The following LINGO2 variants were observed in gnomAD, a reference collection of about 807,000 sequenced individuals.
The protein encoded by LINGO2 is leucine rich repeat and Ig domain containing 2, also known as leucine-rich repeat and immunoglobulin-like domain-containing nogo receptor-interacting protein 2.
Under a neutral mutation model 30.6 loss-of-function variants are expected in LINGO2, and 14 were observed. That is an observed-to-expected ratio of 0.46 (90% CI 0.30 to 0.72). The LOEUF (loss-of-function observed/expected upper bound fraction) is 0.72. Ranked by LOEUF, LINGO2 falls within the 30% of genes least tolerant of loss-of-function variation. The pLI is 0.07. For missense variants in LINGO2, 729 were observed against 751.7 expected, an observed-to-expected ratio of 0.97 and a Z score of 0.35; for synonymous variants, 317 against 288.5, an observed-to-expected ratio of 1.10 and a Z score of -1.00.
the LINGO2 span, among the ~76,000 whole-genome samples, chr9:29,087,184 T>C: frequency 6.6e-6 from 1 of 152,080 alleles, no homozygotes; most frequent in South Asian, 2.1e-4. Context: ...GCCCAAGAAG[T>C]AATCTTTTTA....
At chr9:28,531,923 TG>T (rs1164975473) in intron 1 of LINGO2, among the ~76,000 whole-genome samples, 2 of 152,318 alleles carry the variant, frequency 1.3e-5, no homozygotes, top group East Asian at 3.9e-4. Context: ...GGCTAACAGC[TG>T]AACAAATAAA....
chr9:28,742,607 A>G, the LINGO2 span, among the ~76,000 whole-genome samples: 1 of 151,646 alleles, frequency 6.6e-6, no homozygotes, highest in Admixed American at 6.6e-5. Flanking sequence ...TACTAAATCT[A>G]TATCTGTTAA....
chr9:28,109,211 A>T (rs773565358), intron 4 of LINGO2, among the ~76,000 whole-genome samples: 2 of 152,222 alleles, frequency 1.3e-5, no homozygotes, highest in Non-Finnish European at 2.9e-5. Context: ...CATGTTAAAA[A>T]CACTCAATAA....
rs549054962 is a variant in LINGO2 at position 28,373,793 on chromosome 9, G to A, written c.-278-925C>T. On this transcript the variant is annotated intron_variant, in intron 2 of 5. Coordinates refer to ENST00000379992, the Ensembl canonical transcript of LINGO2. ...CGTGCGCCTGTAGTCCCAGCTACTC[G>A]GGAGGCTGAGGCAGGAGAATTGCTT... Among the ~76,000 whole-genome samples the A allele has an allele frequency of 3.3e-5, 5 of 151,794 alleles. No individual in the cohort carries two copies. In the East Asian group the frequency reaches 5.8e-4, roughly 18 times the overall value.
At chr9:28,280,662 A>G (rs946433546) in intron 4 of LINGO2, among the ~76,000 whole-genome samples, 27 of 152,084 alleles carry the variant, frequency 1.8e-4, no homozygotes, top group African/African-American at 6.0e-4. Context: ...TATACTCTGA[A>G]TGGTTGGTTA....
intron 2 of LINGO2, among the ~76,000 whole-genome samples, chr9:28,451,777 C>A (rs1824656458): frequency 1.3e-5 from 2 of 151,362 alleles, no homozygotes; most frequent in Admixed American, 6.6e-5. Flanking sequence ...TTAGCTACAC[C>A]CAGTAGCCTA....
chr9:29,082,779 A>G, the LINGO2 span, among the ~76,000 whole-genome samples: 1 of 152,338 alleles, frequency 6.6e-6, no homozygotes, highest in African/African-American at 2.4e-5. Context: ...GAAGGATATG[A>G]ACAGACACTT....
At chr9:28,481,086 GGC>G (rs1491281504) in intron 1 of LINGO2, among the ~76,000 whole-genome samples, 1 of 21,650 alleles carries the variant, frequency 4.6e-5, no homozygotes, top group Non-Finnish European at 1.2e-4. Flanking sequence ...TTGGAGAATG[GGC>G]ATGGAGCCCC....
the LINGO2 span, among the ~76,000 whole-genome samples, chr9:28,684,668 A>G: frequency 3.5e-3 from 531 of 151,278 alleles, 5 homozygotes; most frequent in African/African-American, 0.012. Context: ...ACAAGCACAC[A>G]CCACCATACC....
intron 4 of LINGO2, among the ~76,000 whole-genome samples, chr9:28,256,806 A>G (rs1564078483): frequency 6.6e-6 from 1 of 151,966 alleles, no homozygotes; most frequent in Non-Finnish European, 1.5e-5. Context: ...TGTGAAACAT[A>G]CAAAGAAGTA....
At chr9:28,700,263 G>A in the LINGO2 span, among the ~76,000 whole-genome samples, 3 of 151,966 alleles carry the variant, frequency 2.0e-5, no homozygotes, top group South Asian at 6.2e-4. Context: ...GAAATACTGG[G>A]GGCAGGTTCC....
intron 3 of LINGO2, among the ~76,000 whole-genome samples, chr9:28,328,770 T>A (rs1373968609): frequency 6.6e-6 from 1 of 152,158 alleles, no homozygotes; most frequent in Non-Finnish European, 1.5e-5. Context: ...AAATAAGTTA[T>A]AGGATTCTTC....
At chr9:29,034,394 G>C in the LINGO2 span, among the ~76,000 whole-genome samples, 1 of 151,988 alleles carries the variant, frequency 6.6e-6, no homozygotes, top group Admixed American at 6.6e-5. Context: ...TAATAACCTA[G>C]CTAGATCAAG....
At chr9:28,432,036 T>A (rs2134956539) in intron 2 of LINGO2, among the ~76,000 whole-genome samples, 1 of 152,244 alleles carries the variant, frequency 6.6e-6, no homozygotes, top group South Asian at 2.1e-4. Flanking sequence ...GATGAGCATT[T>A]AATCAAAAAA....
At chr9:28,838,177 T>C in the LINGO2 span, among the ~76,000 whole-genome samples, 1 of 152,236 alleles carries the variant, frequency 6.6e-6, no homozygotes, top group Non-Finnish European at 1.5e-5. Context: ...AGTGACATTT[T>C]CCAAAAGCTA....
intron 4 of LINGO2, among the ~76,000 whole-genome samples, chr9:28,194,128 C>A (rs1392979831): frequency 6.6e-6 from 1 of 151,962 alleles, no homozygotes; most frequent in African/African-American, 2.4e-5. Context: ...TTGTTGAAGT[C>A]AAATAGTAAG....
rs1294163473 is a variant in LINGO2, at chr9:28,402,945, A to C, written c.-278-30077T>G. 7.2e-5 allele frequency among the ~76,000 whole-genome samples: 11 copies of C among 152,170 alleles called. 1 individual carries two copies. Among genetic ancestry groups the C allele is most frequent in the Admixed American group, 7.2e-4 (11 of 15,270 alleles). On this transcript the variant is annotated intron_variant, in intron 2 of 5. Transcript: ENST00000379992. ...AAATCACATCGGGTCTCTACCACTT[A>C]ACAGTTGTAGTATGAAAAGCAAGTT...
chr9:29,039,432 T>C, the LINGO2 span, among the ~76,000 whole-genome samples: 1 of 152,098 alleles, frequency 6.6e-6, no homozygotes, highest in Non-Finnish European at 1.5e-5. Context: ...GATGAGTCAT[T>C]GATATTTAAT....
At chr9:28,355,994 A>T (rs1820194105) in intron 3 of LINGO2, among the ~76,000 whole-genome samples, 1 of 152,176 alleles carries the variant, frequency 6.6e-6, no homozygotes, top group Non-Finnish European at 1.5e-5. Context: ...TGTTACAATG[A>T]CACTTACAGC....
Sources: allele counts gnomAD v4.1 joint callset (sites outside exome capture counted in the v4.1 genomes callset), GRCh38; gene constraint gnomAD v4.1.1; transcripts MANE v1.5; gene names NCBI Gene and HGNC (gene_info 2026-07-23, HGNC 2026-07-21).